GRIP1: variants seen among roughly 807,000 people sequenced by gnomAD.
GRIP1 encodes the protein glutamate receptor-interacting protein 1.
A neutral mutation model predicts 129.9 loss-of-function variants in GRIP1; 45 were observed. That is an observed-to-expected ratio of 0.35 (90% confidence interval 0.27 to 0.44). The LOEUF (loss-of-function observed/expected upper bound fraction) is 0.44. Among genes scored for constraint, GRIP1 ranks in the 20% least tolerant of loss-of-function variants. The pLI, the probability that GRIP1 is intolerant of heterozygous loss-of-function variation, is 1.00. For synonymous variants in GRIP1, 530 were observed against 520.8 expected (o/e 1.02, Z -0.24); for missense variants, 1,196 against 1,396.8 (o/e 0.86, Z 2.29).
chr12:66,411,309 C>A (rs954798644), intron 15 of GRIP1, among the ~76,000 whole-genome samples: 3 of 152,282 alleles, frequency 2.0e-5, no homozygotes, highest in East Asian at 1.9e-4. Flanking sequence ...TGTTTTGTAG[C>A]CTTTGCTGTC....
At chr12:66,810,235 A>T (rs2039076935) in intron 1 of GRIP1, among the ~76,000 whole-genome samples, 1 of 152,182 alleles carries the variant, frequency 6.6e-6, no homozygotes, top group Non-Finnish European at 1.5e-5. Context: ...TTCTAGGCTC[A>T]AATAATTATA....
At position 66,347,524 on chromosome 12, in the gene GRIP1, T is replaced by G. The variant is rs2054021572; in HGVS notation, c.*1495A>C. The G allele has an allele frequency of 1.3e-5, 2 of 152,228 alleles. No homozygotes were observed. Among genetic ancestry groups the G allele is most frequent in the African/African-American group, 4.8e-5 (2 of 41,462 alleles). 9.4% of individuals were successfully genotyped at this position (152,228 alleles called of 1,614,324 possible). ...TTTTCCATACAAATATTTGAACAAT[T>G]TTGAATTCCCCAAAACCATACATAG... On this transcript the variant is annotated 3_prime_UTR_variant, in exon 25 of 25. Coordinates refer to ENST00000359742, the MANE Select transcript of GRIP1 (RefSeq NM_001366722.1).
Position 66,462,670 on chromosome 12 carries a change from C to T in GRIP1, c.1042+254G>A, listed in dbSNP as rs373874738. Among the ~76,000 whole-genome samples the T allele has an allele frequency of 4.6e-5, 7 of 151,972 alleles. No homozygotes were observed. The South Asian group carries it at 8.3e-4, about 18-fold the overall frequency. On this transcript the variant is annotated intron_variant, in intron 9 of 24. Transcript: ENST00000359742. ...TACAAAAATTAGCTGGGCATGGTGG[C>T]GGTCACCTGTAATCCCAGCTACTCG...
rs977312379 is a variant in GRIP1 at position 66,822,032 on chromosome 12, G to T, written c.59-225105C>A. On this transcript the variant is annotated intron_variant, in intron 1 of 1. Transcript: ENST00000643019. The stretch of plus-strand genomic sequence containing the variant: ...TGTGTGTGTGTGTGTGTATGTGTAT[G>T]TGTGTATGTGTGTTTCTTTCTTTTC... Among the ~76,000 whole-genome samples the T allele has an allele frequency of 4.6e-5, 7 of 151,386 alleles. No homozygotes were observed. In the East Asian group the frequency reaches 7.7e-4, roughly 17 times the overall value.
At chr12:66,919,182 T>C (rs1261678007) in intron 1 of GRIP1, among the ~76,000 whole-genome samples, 4 of 152,200 alleles carry the variant, frequency 2.6e-5, no homozygotes, top group African/African-American at 9.6e-5. Flanking sequence ...AAATTATCAA[T>C]TTTTTAAGTG....
chr12:67,031,660 T>C (rs750384130), intron 1 of GRIP1, among the ~76,000 whole-genome samples: 3 of 152,224 alleles, frequency 2.0e-5, no homozygotes, highest in Admixed American at 6.6e-5. Context: ...TCCTTATTAA[T>C]GTCTTCAGAC....
chr12:66,393,154 CCTTT>C (rs1473122313), intron 17 of GRIP1, among the ~76,000 whole-genome samples: 1 of 146,872 alleles, frequency 6.8e-6, no homozygotes, highest in African/African-American at 2.5e-5. Flanking sequence ...CATGGAGCAT[CCTTT>C]CTTTCTACAG....
In GRIP1 at chr12:66,463,057, G is replaced by A. The variant is rs756398846; in HGVS notation, c.909C>T (p.Ser303=). ...GALHVGDHIL[S]IDGTSMEYCT... Reference sequence around the variant, plus strand: ...AGTACTCCATGCTGGTTCCATCGATGGAGAGGATGTGATCTCCCACATGCA... The same window carrying A: ...AGTACTCCATGCTGGTTCCATCGATAGAGAGGATGTGATCTCCCACATGCA... Residue 303 remains serine, a synonymous_variant, in exon 9 of 25, where the codon TCC becomes TCT. Coordinates refer to ENST00000359742, the MANE Select transcript of GRIP1 (RefSeq NM_001366722.1). 6.2e-7 allele frequency: 1 copy of A among 1,614,054 alleles called. No individual in the cohort carries two copies. Among genetic ancestry groups the A allele is most frequent in the Non-Finnish European group, 8.5e-7 (1 of 1,179,936 alleles).
chr12:66,614,122 A>G (rs542429290), intron 1 of GRIP1, among the ~76,000 whole-genome samples: 1 of 152,020 alleles, frequency 6.6e-6, no homozygotes, highest in East Asian at 1.9e-4. Context: ...CAGACCTATA[A>G]ATAAGTATAT....
intron 1 of GRIP1, among the ~76,000 whole-genome samples, chr12:66,963,536 A>G (rs947188551): frequency 6.6e-6 from 1 of 152,210 alleles, no homozygotes; most frequent in Non-Finnish European, 1.5e-5. Flanking sequence ...CTTCAGAGCT[A>G]GAATCTGAAC....
intron 1 of GRIP1, among the ~76,000 whole-genome samples, chr12:66,710,046 C>A (rs192889803): frequency 6.6e-5 from 10 of 152,056 alleles, no homozygotes; most frequent in African/African-American, 2.4e-4. Context: ...CCTTTCACTG[C>A]GGTGATCACC....
At chr12:66,713,711 T>G (rs2035782998) in intron 1 of GRIP1, among the ~76,000 whole-genome samples, 1 of 152,004 alleles carries the variant, frequency 6.6e-6, no homozygotes, top group African/African-American at 2.4e-5. Flanking sequence ...AATTCCTTCT[T>G]TCTCAGACTG....
intron 8 of GRIP1, 107 bp from the exon 9 acceptor site, chr12:66,463,200 A>G (rs1320986109): frequency 1.9e-5 from 17 of 902,822 alleles, no homozygotes; most frequent in African/African-American, 3.0e-5. Flanking sequence ...TACTTAAAAT[A>G]AAAGAAAAGA....
At chr12:66,472,030 T>G (rs2059452982) in intron 7 of GRIP1, among the ~76,000 whole-genome samples, 1 of 152,246 alleles carries the variant, frequency 6.6e-6, no homozygotes, top group South Asian at 2.1e-4. Flanking sequence ...GGCACTCTTA[T>G]GCTGGCATTT....
intron 1 of GRIP1, among the ~76,000 whole-genome samples, chr12:66,830,920 C>T (rs1032481033): frequency 6.6e-6 from 1 of 151,218 alleles, no homozygotes; most frequent in African/African-American, 2.4e-5. Flanking sequence ...GATCATGGCT[C>T]ACTGCAGCCT....
At chr12:66,948,736 T>C (rs1240561320) in intron 1 of GRIP1, among the ~76,000 whole-genome samples, 1 of 152,184 alleles carries the variant, frequency 6.6e-6, no homozygotes, top group Non-Finnish European at 1.5e-5. Context: ...GATACATAGG[T>C]AAATGGAAGA....
intron 7 of GRIP1, among the ~76,000 whole-genome samples, chr12:66,508,333 C>A (rs944783382): frequency 6.6e-6 from 1 of 152,134 alleles, no homozygotes; most frequent in African/African-American, 2.4e-5. Flanking sequence ...GAGGGCTCCA[C>A]ATTAGGTGTT....
intron 1 of GRIP1, among the ~76,000 whole-genome samples, chr12:66,934,879 A>C (rs1315910012): frequency 1.3e-5 from 2 of 152,230 alleles, no homozygotes; most frequent in Admixed American, 6.5e-5. Context: ...CACCAGAAAG[A>C]ACTTCATTAG....
At chr12:66,592,666 T>A (rs963844970) in intron 2 of GRIP1, among the ~76,000 whole-genome samples, 1 of 152,206 alleles carries the variant, frequency 6.6e-6, no homozygotes, top group African/African-American at 2.4e-5. Flanking sequence ...CTCTAGGCTT[T>A]GAGGTCAAGT....
Sources: gnomAD v4.1 joint callset for allele counts (sites outside exome capture counted in the v4.1 genomes callset) on GRCh38, gnomAD v4.1.1 for gene constraint, MANE v1.5 for transcripts, NCBI Gene and HGNC (gene_info 2026-07-23, HGNC 2026-07-21) for gene names.